Variants in ZDHHC14 observed in about 807,000 individuals in gnomAD.
The protein encoded by ZDHHC14 is palmitoyltransferase ZDHHC14.
In ZDHHC14, 16 loss-of-function variants were observed where a neutral mutation model predicts 47.7. The ratio of observed to expected loss-of-function variants is 0.34; its 90% confidence interval spans 0.23 to 0.51. The LOEUF (loss-of-function observed/expected upper bound fraction) is 0.51, where lower values mean the gene tolerates loss of function less well. Ranked by LOEUF, ZDHHC14 falls within the 20% of genes least tolerant of loss-of-function variation. The pLI is 0.97. For synonymous variants in ZDHHC14, 293 were observed against 278.9 expected (o/e 1.05, Z -0.50); for missense variants, 515 against 662.5 (o/e 0.78, Z 2.44).
intron 1 of ZDHHC14, among the ~76,000 whole-genome samples, chr6:157,531,698 A>G (rs1226073093): frequency 2.7e-5 from 4 of 150,648 alleles, no homozygotes; most frequent in Non-Finnish European, 5.9e-5. Context: ...GGTAGTGTGT[A>G]TTCAGTGGCT....
At chr6:157,536,522 A>G (rs1781549446) in intron 1 of ZDHHC14, among the ~76,000 whole-genome samples, 1 of 152,204 alleles carries the variant, frequency 6.6e-6, no homozygotes, top group Non-Finnish European at 1.5e-5. Context: ...TGTTTTGTTT[A>G]GTTTTTAAGT....
At chr6:157,481,186 T>C (rs1779621263) in intron 1 of ZDHHC14, among the ~76,000 whole-genome samples, 1 of 152,204 alleles carries the variant, frequency 6.6e-6, no homozygotes. Flanking sequence ...ATGTAAAACA[T>C]GGAGAGATCA....
Position 157,411,842 on chromosome 6 carries a change from A to G in ZDHHC14, c.245+29576A>G, listed in dbSNP as rs540220121. 1.6e-4 allele frequency among the ~76,000 whole-genome samples: 25 copies of G among 151,850 alleles called. No individual in the cohort carries two copies. In the South Asian group the frequency reaches 4.8e-3, roughly 29 times the overall value. Reference sequence around the variant, plus strand: ...CACACAGTCATTAGATATGTGTGCAATTGGTGCATTAGTGTGACATCGGGA... The same window carrying G: ...CACACAGTCATTAGATATGTGTGCAGTTGGTGCATTAGTGTGACATCGGGA... On this transcript the variant is annotated intron_variant, in intron 1 of 8. Coordinates refer to ENST00000359775, the MANE Select transcript of ZDHHC14 (RefSeq NM_024630.3).
At chr6:157,660,051 A>G (rs1459381930) in intron 8 of ZDHHC14, among the ~76,000 whole-genome samples, 2 of 152,180 alleles carry the variant, frequency 1.3e-5, no homozygotes, top group Admixed American at 6.5e-5. Context: ...GAGTTGCCTC[A>G]CTTAATCCCC....
chr6:157,494,148 G>C (rs181433520), intron 1 of ZDHHC14, among the ~76,000 whole-genome samples: 8 of 152,306 alleles, frequency 5.3e-5, no homozygotes, highest in Admixed American at 2.6e-4. Flanking sequence ...TAAAATGAGC[G>C]GGTTGGACTT....
At chr6:157,482,206 T>A (rs1443148274) in intron 1 of ZDHHC14, among the ~76,000 whole-genome samples, 1 of 152,166 alleles carries the variant, frequency 6.6e-6, no homozygotes, top group East Asian at 1.9e-4. Context: ...AGATGTTTGG[T>A]TTGAATGCCT....
rs376124394 is a variant in ZDHHC14, at chr6:157,405,378, A to G, written c.245+23112A>G. Among the ~76,000 whole-genome samples the G allele has an allele frequency of 2.8e-4, 42 of 151,866 alleles. No individual in the cohort carries two copies. In the East Asian group the frequency reaches 5.6e-3, roughly 20 times the overall value. ...CTCCCAAGTAGCTGGTACTACAGGC[A>G]CCCGCCACCACGCCTGGCTAATTTT... On this transcript the variant is annotated intron_variant, in intron 1 of 8. Transcript: ENST00000359775.
intron 1 of ZDHHC14, among the ~76,000 whole-genome samples, chr6:157,452,690 A>ATTTTTTTTTTTT (rs747862336): frequency 5.5e-5 from 4 of 72,960 alleles, no homozygotes; most frequent in Non-Finnish European, 7.3e-5. Flanking sequence ...ATACATGGGG[A>ATTTTTTTTTTTT]TTTTTTTTTT....
chr6:157,626,376 T>G (rs1340133429), intron 3 of ZDHHC14, among the ~76,000 whole-genome samples: 2 of 152,190 alleles, frequency 1.3e-5, no homozygotes, highest in Non-Finnish European at 2.9e-5. Flanking sequence ...CCTCCAAGTC[T>G]TAGGAAATTC....
At position 157,381,607 on chromosome 6, in the gene ZDHHC14, G is replaced by A. The variant is rs1399512492; in HGVS notation, c.-415G>A. The A allele has an allele frequency of 9.7e-5, 37 of 379,662 alleles. No individual in the cohort carries two copies. The highest frequency in any genetic ancestry group is 1.8e-4 in the Non-Finnish European group (35 of 189,190). 23.5% of individuals were successfully genotyped at this position (379,662 alleles called of 1,614,324 possible). On this transcript the variant is annotated 5_prime_UTR_variant, in exon 1 of 9. Transcript: ENST00000359775. ...CGGGGCCGCCGCCTCGTGTCCCCTC[G>A]GGGCGCAGTGCTCGGGGGTCGGCGG...
intron 3 of ZDHHC14, among the ~76,000 whole-genome samples, chr6:157,610,519 T>G (rs1784713258): frequency 6.6e-6 from 1 of 152,134 alleles, no homozygotes; most frequent in Non-Finnish European, 1.5e-5. Flanking sequence ...TCCTTTTATC[T>G]CAACAGGCTC....
intron 3 of ZDHHC14, among the ~76,000 whole-genome samples, chr6:157,604,245 C>T (rs562753054): frequency 9.3e-5 from 14 of 150,920 alleles, no homozygotes; most frequent in Non-Finnish European, 2.1e-4. Context: ...CTTGATCACG[C>T]CTCTGCGCTC....
At position 157,632,902 on chromosome 6, in the gene ZDHHC14, T is replaced by C; in HGVS notation, c.752+20T>C. 2 of 1,613,686 alleles carry C rather than the reference T, an allele frequency of 1.2e-6. No homozygotes were observed. Among genetic ancestry groups the C allele is most frequent in the South Asian group, 1.1e-5 (1 of 91,068 alleles). ...TGCAAGATATCCTTTGTGATGATTCTGTTTTCACGATGCTAATGTGTTGAG... is the reference window on the plus strand; with the variant it reads ...TGCAAGATATCCTTTGTGATGATTCCGTTTTCACGATGCTAATGTGTTGAG... On this transcript the variant is annotated intron_variant, in intron 5 of 8. Transcript: ENST00000359775.
intron 2 of ZDHHC14, among the ~76,000 whole-genome samples, chr6:157,567,534 C>T (rs565283460): frequency 3.9e-5 from 6 of 152,210 alleles, no homozygotes; most frequent in South Asian, 4.2e-4. Flanking sequence ...AAGTTGAACC[C>T]GCCGGGCGCC....
chr6:157,633,070 T>G (rs985210466), intron 5 of ZDHHC14, among the ~76,000 whole-genome samples, 188 bp downstream of exon 5: 1 of 152,186 alleles, frequency 6.6e-6, no homozygotes, highest in Non-Finnish European at 1.5e-5. Flanking sequence ...TGACTCAGCC[T>G]GTTTAAATCG....
At chr6:157,611,124 C>T (rs977482301) in intron 3 of ZDHHC14, among the ~76,000 whole-genome samples, 4 of 152,252 alleles carry the variant, frequency 2.6e-5, no homozygotes, top group South Asian at 2.1e-4. Flanking sequence ...TCAGCCTCCC[C>T]GAGTAGCTGG....
chr6:157,437,520 A>G (rs1466982014), intron 1 of ZDHHC14, among the ~76,000 whole-genome samples: 1 of 152,328 alleles, frequency 6.6e-6, no homozygotes, highest in East Asian at 1.9e-4. Context: ...TGCTCTTCCC[A>G]GAAGAATTCC....
At chr6:157,628,551 G>A in intron 4 of ZDHHC14, 65 bp downstream of exon 4, 1 of 1,566,508 alleles carries the variant, frequency 6.4e-7, no homozygotes, top group Non-Finnish European at 8.6e-7. Flanking sequence ...TTTCCTATTT[G>A]ATTTTGATTT....
At chr6:157,538,444 A>C (rs376055900) in intron 1 of ZDHHC14, among the ~76,000 whole-genome samples, 15 of 151,976 alleles carry the variant, frequency 9.9e-5, no homozygotes, top group Admixed American at 6.6e-4. Flanking sequence ...GGGTGACTTG[A>C]CTCTCCTCCT....
Sources: gnomAD v4.1 joint callset for allele counts (sites outside exome capture counted in the v4.1 genomes callset) on GRCh38, gnomAD v4.1.1 for gene constraint, MANE v1.5 for transcripts, NCBI Gene and HGNC (gene_info 2026-07-23, HGNC 2026-07-21) for gene names.